SPART: variants seen among roughly 807,000 people sequenced by gnomAD.
SPART encodes the protein spartin.
A neutral mutation model predicts 58.7 loss-of-function variants in SPART; 35 were observed. The observed-to-expected ratio is 0.60, with a 90% CI of 0.46 to 0.79. The LOEUF is 0.79. Ranked by LOEUF, SPART falls within the 30% of genes least tolerant of loss-of-function variation. SPART has a pLI of 0.00. For missense variants in SPART, 730 were observed against 786.1 expected (o/e 0.93, Z 0.85); for synonymous variants, 284 against 280.7 (o/e 1.01, Z -0.12).
chr13:36,357,248 A>G (rs1173602303), intron 1 of SPART, among the ~76,000 whole-genome samples: 2 of 152,168 alleles, frequency 1.3e-5, no homozygotes, highest in Non-Finnish European at 2.9e-5. Context: ...CTGAGGAGGC[A>G]AGTGCATGAG....
intron 8 of SPART, among the ~76,000 whole-genome samples, chr13:36,309,047 A>G (rs1192691151): frequency 6.6e-6 from 1 of 152,182 alleles, no homozygotes; most frequent in Non-Finnish European, 1.5e-5. Flanking sequence ...GATCAAGACC[A>G]TCCTGGCTAA....
At chr13:36,362,149 G>A (rs1228512730) in intron 1 of SPART, among the ~76,000 whole-genome samples, 1 of 152,096 alleles carries the variant, frequency 6.6e-6, no homozygotes, top group Non-Finnish European at 1.5e-5. Context: ...TCAGGAGTTC[G>A]AGACCAGCCT....
At chr13:36,356,269 G>A (rs866207663) in intron 1 of SPART, among the ~76,000 whole-genome samples, 4 of 152,186 alleles carry the variant, frequency 2.6e-5, no homozygotes, top group African/African-American at 4.8e-5. Context: ...GGTCGAGGCC[G>A]TGCTTTACAG....
intron 5 of SPART, among the ~76,000 whole-genome samples, chr13:36,318,481 C>T (rs1881981175): frequency 6.6e-6 from 1 of 152,172 alleles, no homozygotes; most frequent in South Asian, 2.1e-4. Context: ...TTTTATTACC[C>T]AATCTGCTCC....
At chr13:36,307,743 G>A (rs1345740239) in intron 8 of SPART, among the ~76,000 whole-genome samples, 1 of 152,014 alleles carries the variant, frequency 6.6e-6, no homozygotes, top group Non-Finnish European at 1.5e-5. Flanking sequence ...CATTATTCCT[G>A]TATGTCTTCA....
chr13:36,314,383 C>T lies in SPART; in HGVS notation c.1327G>A (p.Glu443Lys). Residue 443 changes from glutamate to lysine, a missense_variant, in exon 6 of 9, where the codon GAG becomes AAG. Coordinates refer to ENST00000438666, the MANE Select transcript of SPART (RefSeq NM_015087.5). ...WVSWGLVKGA[E>K]ITGKAIQKGA... is the part of the protein sequence containing the mutation. ...TTCTGGATTGCCTTACCAGTAATCT[C>T]AGCACCTTTGACTAAACCCCAACTC... is the stretch of plus-strand genomic sequence containing the variant. 6.2e-7 allele frequency: 1 copy of T among 1,614,134 alleles called. No homozygotes were observed. Among genetic ancestry groups the T allele is most frequent in the Non-Finnish European group, 8.5e-7 (1 of 1,180,012 alleles).
intron 8 of SPART, among the ~76,000 whole-genome samples, chr13:36,307,572 G>C (rs1203574411): frequency 1.3e-5 from 2 of 151,888 alleles, no homozygotes; most frequent in Non-Finnish European, 2.9e-5. Context: ...AATAAAAATA[G>C]ATCTAACTAT....
At chr13:36,327,121 T>C (rs556586825) in intron 4 of SPART, among the ~76,000 whole-genome samples, 1 of 152,222 alleles carries the variant, frequency 6.6e-6, no homozygotes, top group South Asian at 2.1e-4. Flanking sequence ...TTGACAGAGA[T>C]CAAACAAATG....
chr13:36,327,959 A>G (rs1883101241), intron 4 of SPART, among the ~76,000 whole-genome samples: 1 of 152,088 alleles, frequency 6.6e-6, no homozygotes, highest in Admixed American at 6.6e-5. Flanking sequence ...GCACCACTGC[A>G]CTCCAGCCTG....
chr13:36,351,310 G>GA (rs35745992), upstream of SPART, among the ~76,000 whole-genome samples: 36,681 of 134,868 alleles, frequency 0.27, 4,878 homozygotes, highest in East Asian at 0.52. Context: ...CTCTAATTTT[G>GA]AAAAAAAAAA....
chr13:36,360,235 C>A (rs1198019757), intron 1 of SPART, among the ~76,000 whole-genome samples: 1 of 150,816 alleles, frequency 6.6e-6, no homozygotes, highest in Non-Finnish European at 1.5e-5. Flanking sequence ...GTGGAGGTTG[C>A]AGTGAGCCAA....
rs71689693 is a variant in SPART at position 36,334,403 on chromosome 13, TCTCAAC to T, written c.810+612_810+617del. On this transcript the variant is annotated intron_variant, in intron 2 of 8. Coordinates refer to ENST00000438666, the MANE Select transcript of SPART (RefSeq NM_015087.5). ...CAGTCTCGACTTCTAAACCAAGGTC[TCTCAAC>T]CTTGGCATAGTTGAGATTTTGGGCA... 1.0e-2 allele frequency among the ~76,000 whole-genome samples: 1,517 copies of T among 151,984 alleles called. 19 individuals are homozygous for T. Among genetic ancestry groups the T allele is most frequent in the African/African-American group, 0.034 (1,417 of 41,484 alleles).
At chr13:36,319,274 C>A (rs1224422355) in intron 5 of SPART, among the ~76,000 whole-genome samples, 38 of 151,536 alleles carry the variant, frequency 2.5e-4, no homozygotes, top group Non-Finnish European at 4.4e-4. Flanking sequence ...CTCATTGCCA[C>A]CCTTCTTCCC....
At chr13:36,366,871 G>A (rs760318216) in intron 1 of SPART, among the ~76,000 whole-genome samples, 1 of 152,034 alleles carries the variant, frequency 6.6e-6, no homozygotes, top group African/African-American at 2.4e-5. Flanking sequence ...TGATGCATGC[G>A]CCAAGAAAGA....
chr13:36,353,266 A>G (rs1885493323), intron 1 of SPART, among the ~76,000 whole-genome samples: 1 of 152,226 alleles, frequency 6.6e-6, no homozygotes, highest in Non-Finnish European at 1.5e-5. Context: ...GAGAGAACCC[A>G]TGAACTGAGC....
At chr13:36,314,155 C>A in intron 6 of SPART, 72 bp downstream of exon 6, 1 of 1,396,632 alleles carries the variant, frequency 7.2e-7, no homozygotes, top group Non-Finnish European at 1.0e-6. Context: ...AATGAACATG[C>A]AGATTAACCC....
intron 1 of SPART, among the ~76,000 whole-genome samples, chr13:36,342,301 T>C (rs1884656434): frequency 6.6e-6 from 1 of 152,202 alleles, no homozygotes; most frequent in East Asian, 1.9e-4. Flanking sequence ...TTAATTGCCT[T>C]AGATCACCTG....
intron 5 of SPART, among the ~76,000 whole-genome samples, chr13:36,318,651 T>G (rs1882001716): frequency 6.6e-6 from 1 of 152,138 alleles, no homozygotes; most frequent in African/African-American, 2.4e-5. Flanking sequence ...ACACAAGAAC[T>G]TCCAAACGCC....
At chr13:36,305,974 T>G (rs543929120) in intron 8 of SPART, among the ~76,000 whole-genome samples, 16 of 152,330 alleles carry the variant, frequency 1.1e-4, no homozygotes, top group Non-Finnish European at 2.1e-4. Flanking sequence ...CCTAGAACAG[T>G]GGTTTGTGAT....
Sources: gnomAD v4.1 joint callset for allele counts (sites outside exome capture counted in the v4.1 genomes callset) on GRCh38, gnomAD v4.1.1 for gene constraint, MANE v1.5 for transcripts, NCBI Gene and HGNC (gene_info 2026-07-23, HGNC 2026-07-21) for gene names.